The following MAN1A1 variants were observed in gnomAD, a reference collection of about 807,000 sequenced individuals.
The protein encoded by MAN1A1 is mannosidase alpha class 1A member 1.
Under a neutral mutation model 70.8 loss-of-function variants are expected in MAN1A1, and 29 were observed. That is an observed-to-expected ratio of 0.41 (90% CI 0.31 to 0.56). MAN1A1 has a LOEUF of 0.56. Among genes scored for constraint, MAN1A1 ranks in the 20% least tolerant of loss-of-function variants. The pLI is 0.29. For missense variants in MAN1A1, 747 were observed against 841.3 expected (o/e 0.89, Z 1.39); for synonymous variants, 349 against 330.1 (o/e 1.06, Z -0.62).
Position 119,204,881 on chromosome 6 carries a change from C to T in MAN1A1, c.994G>A (p.Gly332Ser), listed in dbSNP as rs1414588368. The T allele has an allele frequency of 1.2e-6, 2 of 1,613,558 alleles. No individual in the cohort carries two copies. Among genetic ancestry groups the T allele is most frequent in the Non-Finnish European group, 1.7e-6 (2 of 1,179,812 alleles). The change falls in exon 7 of 13, where the codon GGT becomes AGT. Residue 332 changes from glycine to serine, a missense_variant and splice_region_variant. Gly to Ser is a moderately conservative substitution (Grantham distance 56). Around this residue, in one of 2 missense-constraint regions of MAN1A1, gnomAD observed 419 missense variants for 548.2 expected, o/e 0.76. Coordinates refer to ENST00000368468, the MANE Select transcript of MAN1A1 (RefSeq NM_005907.4). ...IPWALLNMKSGIGRNWPWASG... is the reference protein window; with the variant it reads ...IPWALLNMKSSIGRNWPWASG... ...GCCCAGGGCCAGTTCCTTCCAATACCACTAAAGAAGAGATGACGTCGAAGA... is the reference window on the plus strand; with the variant it reads ...GCCCAGGGCCAGTTCCTTCCAATACTACTAAAGAAGAGATGACGTCGAAGA...
intron 5 of MAN1A1, among the ~76,000 whole-genome samples, chr6:119,250,778 C>T (rs1258877571): frequency 1.3e-5 from 2 of 152,128 alleles, no homozygotes; most frequent in African/African-American, 2.4e-5. Context: ...CACCTATTTG[C>T]ATTCTCAAAT....
intron 11 of MAN1A1, 101 bp downstream of exon 11, chr6:119,188,304 T>C (rs1485002041): frequency 4.7e-5 from 53 of 1,123,630 alleles, no homozygotes; most frequent in Non-Finnish European, 6.6e-5. Context: ...GGTCGAAGCA[T>C]TAAAAATTAT....
intron 5 of MAN1A1, 42 bp from the exon 6 acceptor site, chr6:119,248,396 A>G (rs762030741): frequency 9.7e-7 from 1 of 1,027,940 alleles, no homozygotes; most frequent in African/African-American, 1.6e-5. Flanking sequence ...TGTTGCAAGC[A>G]AAACAAGATG....
At chr6:119,300,097 T>C (rs1175478132) in intron 4 of MAN1A1, among the ~76,000 whole-genome samples, 2 of 152,208 alleles carry the variant, frequency 1.3e-5, no homozygotes, top group African/African-American at 2.4e-5. Context: ...TTTCCATCAT[T>C]AGTGTTTCAG....
intron 5 of MAN1A1, among the ~76,000 whole-genome samples, chr6:119,277,936 C>CAAAAAAAAAAAAAAA (rs58837799): frequency 4.3e-5 from 1 of 23,176 alleles, no homozygotes; most frequent in Admixed American, 7.0e-4. Context: ...GACTCCATCT[C>CAAAAAAAAAAAAAAA]AAAAAAAAAA....
chr6:119,243,156 A>G (rs934525995), intron 6 of MAN1A1, among the ~76,000 whole-genome samples: 4 of 152,128 alleles, frequency 2.6e-5, no homozygotes, highest in Non-Finnish European at 5.9e-5. Flanking sequence ...ACTCAGGCTT[A>G]TATCACTGCT....
intron 5 of MAN1A1, among the ~76,000 whole-genome samples, chr6:119,260,298 C>T (rs572814293): frequency 1.3e-5 from 2 of 152,306 alleles, no homozygotes; most frequent in South Asian, 4.1e-4. Flanking sequence ...ATTTCTGTAA[C>T]ATCTTTTTAA....
chr6:119,338,856 AT>A (rs1009589238), intron 2 of MAN1A1, among the ~76,000 whole-genome samples: 3 of 151,836 alleles, frequency 2.0e-5, no homozygotes, highest in African/African-American at 7.3e-5. Flanking sequence ...TAGGGGAAAA[AT>A]TTTTTTTCTT....
rs867371147 is a variant in MAN1A1, at chr6:119,224,431, G to T, written c.993-19549C>A. On this transcript the variant is annotated intron_variant, in intron 6 of 12. Coordinates refer to ENST00000368468, the MANE Select transcript of MAN1A1 (RefSeq NM_005907.4). ...CACAGGTACGGAGAAGATCCCCAGGGTGCCAGGTTAAAAACCAACAGCTGG... is the reference window on the plus strand; with the variant it reads ...CACAGGTACGGAGAAGATCCCCAGGTTGCCAGGTTAAAAACCAACAGCTGG... Among the ~76,000 whole-genome samples, 7 of 152,172 alleles carry T rather than the reference G, an allele frequency of 4.6e-5. No individual in the cohort carries two copies. In the South Asian group the frequency reaches 1.2e-3, roughly 27 times the overall value.
chr6:119,180,437 AG>A lies in MAN1A1; in HGVS notation c.1720-11del. 7.3e-7 allele frequency: 1 copy of A among 1,368,156 alleles called. No individual in the cohort carries two copies. Among genetic ancestry groups the A allele is most frequent in the Non-Finnish European group, 1.0e-6 (1 of 987,018 alleles). The allele number at this position is 1,368,156 out of a possible 1,614,324, so 84.8% of individuals were successfully genotyped here. The stretch of plus-strand genomic sequence containing the variant: ...AATGGTTTTCCAAGGCCTAAATTAT[AG>A]AGGAGGAAAAAAAAAAGTCACATTT... On this transcript the variant is annotated splice_polypyrimidine_tract_variant and intron_variant, in intron 11 of 12. Coordinates refer to ENST00000368468, the MANE Select transcript of MAN1A1 (RefSeq NM_005907.4).
At chr6:119,224,983 C>T (rs370925358) in intron 6 of MAN1A1, among the ~76,000 whole-genome samples, 27 of 151,882 alleles carry the variant, frequency 1.8e-4, no homozygotes, top group South Asian at 2.1e-4. Flanking sequence ...AAAAATTAGC[C>T]GGGCATGGTG....
chr6:119,224,843 C>T (rs924585992), intron 6 of MAN1A1, among the ~76,000 whole-genome samples: 2 of 152,046 alleles, frequency 1.3e-5, no homozygotes, highest in Non-Finnish European at 2.9e-5. Context: ...ATAATTGTAT[C>T]TGGGGCCGGG....
At chr6:119,259,693 A>G (rs1048768336) in intron 5 of MAN1A1, among the ~76,000 whole-genome samples, 1 of 152,134 alleles carries the variant, frequency 6.6e-6, no homozygotes, top group Non-Finnish European at 1.5e-5. Context: ...TGGACAGAAA[A>G]TTTGGCATCA....
intron 5 of MAN1A1, among the ~76,000 whole-genome samples, chr6:119,262,114 AC>A (rs1387371807): frequency 6.6e-6 from 1 of 152,192 alleles, no homozygotes; most frequent in African/African-American, 2.4e-5. Flanking sequence ...TGTCTATAAA[AC>A]CCACAGAATC....
At chr6:119,210,986 A>G (rs1361813082) in intron 6 of MAN1A1, 1 of 435,652 alleles carries the variant, frequency 2.3e-6, no homozygotes, top group African/African-American at 2.0e-5. Flanking sequence ...AAATCTACAC[A>G]CAATCATTTA....
At chr6:119,305,156 T>C (rs1162963167) in intron 3 of MAN1A1, among the ~76,000 whole-genome samples, 2 of 152,140 alleles carry the variant, frequency 1.3e-5, no homozygotes, top group Admixed American at 1.3e-4. Flanking sequence ...GAAAAGTGTT[T>C]TTTACCGAAA....
At chr6:119,205,806 CACATTTAGTGCATGCCT>C (rs1773844109) in intron 6 of MAN1A1, among the ~76,000 whole-genome samples, 1 of 152,220 alleles carries the variant, frequency 6.6e-6, no homozygotes, top group African/African-American at 2.4e-5. Context: ...AGTTTAGATG[CACATTTAGTGCATGCCT>C]ACTATTTGCT....
chr6:119,285,678 A>G (rs758386177), intron 5 of MAN1A1, among the ~76,000 whole-genome samples: 73 of 151,452 alleles, frequency 4.8e-4, no homozygotes, highest in Non-Finnish European at 6.9e-4. Context: ...ACCTAATTAG[A>G]GATCATAATT....
chr6:119,342,409 G>A (rs933277746), intron 2 of MAN1A1, among the ~76,000 whole-genome samples: 1 of 152,154 alleles, frequency 6.6e-6, no homozygotes, highest in African/African-American at 2.4e-5. Flanking sequence ...CATTTGTTGT[G>A]TGCCCACTTC....
Sources: gnomAD v4.1 joint callset for allele counts (sites outside exome capture counted in the v4.1 genomes callset) on GRCh38, gnomAD v4.1.1 for gene constraint, gnomAD v4.1.1 regional missense constraint, MANE v1.5 for transcripts, NCBI Gene and HGNC (gene_info 2026-07-23, HGNC 2026-07-21) for gene names.